SLC9B1: variants seen among roughly 807,000 people sequenced by gnomAD.
SLC9B1 encodes the protein sodium/hydrogen exchanger 9B1.
In SLC9B1, 32 loss-of-function variants were observed where a neutral mutation model predicts 51.7. That is an observed-to-expected ratio of 0.62 (90% confidence interval 0.47 to 0.83). The LOEUF (loss-of-function observed/expected upper bound fraction) is 0.83. Among genes scored for constraint, SLC9B1 ranks in the 40% least tolerant of loss-of-function variants. SLC9B1 has a pLI of 0.00. For synonymous variants in SLC9B1, 145 were observed against 212.7 expected (o/e 0.68, Z 2.77); for missense variants, 406 against 613.2 (o/e 0.66, Z 3.57).
At chr4:103,013,277 C>A (rs563835636) in intron 1 of SLC9B1, among the ~76,000 whole-genome samples, 13 of 152,308 alleles carry the variant, frequency 8.5e-5, no homozygotes, top group African/African-American at 2.9e-4. Context: ...TTGTAAATAT[C>A]CATTGATTAT....
chr4:102,915,008 C>T (rs1416061690), intron 7 of SLC9B1, among the ~76,000 whole-genome samples: 1 of 151,932 alleles, frequency 6.6e-6, no homozygotes, highest in Non-Finnish European at 1.5e-5. Flanking sequence ...CAACTTTTCA[C>T]ATACAAGGGA....
intron 1 of SLC9B1, among the ~76,000 whole-genome samples, chr4:103,007,731 A>G (rs950703648): frequency 6.6e-6 from 1 of 151,738 alleles, no homozygotes; most frequent in South Asian, 2.1e-4. Flanking sequence ...CAGCCTCCCA[A>G]GTAGCTGGGA....
chr4:103,018,693 G>A (rs1420899231), intron 1 of SLC9B1, among the ~76,000 whole-genome samples: 3 of 152,086 alleles, frequency 2.0e-5, no homozygotes, highest in Non-Finnish European at 4.4e-5. Context: ...GTATGGTCCC[G>A]TGAAGAGCTC....
chr4:102,959,137 A>C (rs1356906506), intron 3 of SLC9B1, among the ~76,000 whole-genome samples: 1 of 152,182 alleles, frequency 6.6e-6, no homozygotes, highest in Non-Finnish European at 1.5e-5. Flanking sequence ...TTAAAAAAAC[A>C]AGATTCAGCT....
intron 3 of SLC9B1, among the ~76,000 whole-genome samples, chr4:102,963,991 T>C (rs1275181338): frequency 6.6e-6 from 1 of 151,842 alleles, no homozygotes; most frequent in Non-Finnish European, 1.5e-5. Context: ...CAGGATAACA[T>C]TAAAAACAAC....
chr4:102,996,132 A>G (rs1740203022), intron 1 of SLC9B1, among the ~76,000 whole-genome samples: 1 of 152,098 alleles, frequency 6.6e-6, no homozygotes. Flanking sequence ...TTATGAATTT[A>G]AATTGCATTT....
intron 1 of SLC9B1, among the ~76,000 whole-genome samples, chr4:103,019,200 C>T (rs1367910651): frequency 6.6e-6 from 1 of 152,118 alleles, no homozygotes; most frequent in East Asian, 1.9e-4. Context: ...GGCAACCAAT[C>T]CCAGAATCTC....
chr4:102,951,186 T>C (rs7659203), intron 3 of SLC9B1, among the ~76,000 whole-genome samples: 82,882 of 151,830 alleles, frequency 0.55, 23,200 homozygotes, highest in African/African-American at 0.68. Context: ...AATTACATTA[T>C]GTGCACAGGT....
At chr4:103,001,745 C>T (rs796766850) in intron 1 of SLC9B1, among the ~76,000 whole-genome samples, 9 of 152,318 alleles carry the variant, frequency 5.9e-5, no homozygotes, top group African/African-American at 2.2e-4. Context: ...TACCTGTTAC[C>T]CAGTTCCAAA....
In SLC9B1 at chr4:103,012,169, A is replaced by T. The variant is rs575849183; in HGVS notation, c.-2+7430T>A. On this transcript the variant is annotated intron_variant, in intron 1 of 11. Coordinates refer to ENST00000296422, the MANE Select transcript of SLC9B1 (RefSeq NM_139173.4). ...TCATAAACAGTCAAGAGAAGCATGT[A>T]GCACCCTCAGCATTTTGTTTAGGTA... Among the ~76,000 whole-genome samples, 4 of 152,322 alleles carry T rather than the reference A, an allele frequency of 2.6e-5. No individual in the cohort carries two copies. In the South Asian group the frequency reaches 8.3e-4, roughly 32 times the overall value.
At chr4:103,009,735 T>C (rs967164477) in intron 1 of SLC9B1, among the ~76,000 whole-genome samples, 12 of 152,246 alleles carry the variant, frequency 7.9e-5, no homozygotes, top group Admixed American at 7.2e-4. Flanking sequence ...TGTGAGTATG[T>C]ATTGCTTTGG....
chr4:102,970,958 C>G (rs1738725508), intron 3 of SLC9B1, among the ~76,000 whole-genome samples: 1 of 152,124 alleles, frequency 6.6e-6, no homozygotes, highest in South Asian at 2.1e-4. Flanking sequence ...TATATATGCA[C>G]CCAATACAGG....
At chr4:102,926,205 C>G (rs1736164174) in intron 7 of SLC9B1, among the ~76,000 whole-genome samples, 2 of 152,288 alleles carry the variant, frequency 1.3e-5, no homozygotes, top group African/African-American at 2.4e-5. Flanking sequence ...GATGCCCTCT[C>G]TCACCACTCC....
intron 4 of SLC9B1, among the ~76,000 whole-genome samples, chr4:102,947,592 G>T (rs4698865): frequency 0.55 from 83,036 of 152,026 alleles, 23,253 homozygotes; most frequent in African/African-American, 0.68. Context: ...GGCTCAGGTG[G>T]TCCTCCTGCC....
intron 6 of SLC9B1, among the ~76,000 whole-genome samples, chr4:102,934,318 G>T (rs146469649): frequency 6.6e-6 from 1 of 152,058 alleles, no homozygotes; most frequent in Non-Finnish European, 1.5e-5. Context: ...TGGAAGAAAA[G>T]AAAATACAAT....
At chr4:102,946,055 GAA>G (rs1299774394) in intron 5 of SLC9B1, among the ~76,000 whole-genome samples, 2 of 152,026 alleles carry the variant, frequency 1.3e-5, no homozygotes, top group Non-Finnish European at 2.9e-5. Flanking sequence ...CCTAAAAAAA[GAA>G]AAAGACTTTT....
At chr4:102,924,683 T>C (rs983421000) in intron 7 of SLC9B1, among the ~76,000 whole-genome samples, 5 of 152,100 alleles carry the variant, frequency 3.3e-5, no homozygotes, top group African/African-American at 1.2e-4. Flanking sequence ...ATATCCAGAA[T>C]CTACAAATAA....
intron 4 of SLC9B1, among the ~76,000 whole-genome samples, chr4:102,948,800 A>G (rs765054714): frequency 1.3e-5 from 2 of 152,136 alleles, no homozygotes; most frequent in Non-Finnish European, 2.9e-5. Context: ...AATAATAGAC[A>G]CTGGGGAGTC....
At chr4:102,986,609 A>G (rs1739638738) in intron 3 of SLC9B1, among the ~76,000 whole-genome samples, 1 of 152,032 alleles carries the variant, frequency 6.6e-6, no homozygotes, top group African/African-American at 2.4e-5. Flanking sequence ...CATTTCATGT[A>G]TGTTACACCT....
Sources: gnomAD v4.1 joint callset for allele counts (sites outside exome capture counted in the v4.1 genomes callset) on GRCh38, gnomAD v4.1.1 for gene constraint, MANE v1.5 for transcripts, NCBI Gene and HGNC (gene_info 2026-07-23, HGNC 2026-07-21) for gene names.